DPP6: variants seen among roughly 807,000 people sequenced by gnomAD.
The protein encoded by DPP6 is dipeptidyl peptidase like 6.
A neutral mutation model predicts 122.6 loss-of-function variants in DPP6; 69 were observed. The observed-to-expected ratio is 0.56, with a 90% confidence interval of 0.46 to 0.69. The LOEUF (loss-of-function observed/expected upper bound fraction) is 0.69, where lower values mean the gene tolerates loss of function less well. Ranked by LOEUF, DPP6 falls within the 30% of genes least tolerant of loss-of-function variation. The probability of loss-of-function intolerance (pLI) is 0.00; values close to 1 mark genes in which losing one functional copy is unlikely to be tolerated. For synonymous variants in DPP6, 418 were observed against 433.1 expected (o/e 0.97, Z 0.43); for missense variants, 928 against 1,116.9 (o/e 0.83, Z 2.41).
chr7:153,831,517 A>G, the DPP6 span, among the ~76,000 whole-genome samples: 8 of 152,204 alleles, frequency 5.3e-5, no homozygotes, highest in East Asian at 1.3e-3. Context: ...AAAGGGACAC[A>G]TAGTTGACGA....
At chr7:154,183,042 T>A (rs1456143877) in intron 1 of DPP6, among the ~76,000 whole-genome samples, 3 of 152,184 alleles carry the variant, frequency 2.0e-5, no homozygotes, top group African/African-American at 7.2e-5. Context: ...GGGGCTAATG[T>A]CACCCATTTC....
intron 1 of DPP6, among the ~76,000 whole-genome samples, chr7:154,422,674 A>ATGGGTGGATGGATGGATGGTGAG (rs57931417): frequency 1.0e-3 from 127 of 127,040 alleles, no homozygotes; most frequent in African/African-American, 3.5e-3. Flanking sequence ...GGGTGGGTGG[A>ATGGGTGGATGGATGGATGGTGAG]TGGGTGGATG....
At chr7:154,103,405 G>A (rs1284392228) in intron 1 of DPP6, among the ~76,000 whole-genome samples, 1 of 152,182 alleles carries the variant, frequency 6.6e-6, no homozygotes, top group African/African-American at 2.4e-5. Flanking sequence ...TATAGGAGGG[G>A]AAATTATAAA....
rs959009212 is a variant in DPP6, at chr7:154,282,428, A to G, written c.244-163786A>G. Among the ~76,000 whole-genome samples, 1 of 152,272 alleles carries G rather than the reference A, an allele frequency of 6.6e-6. No homozygotes were observed. Among genetic ancestry groups the G allele is most frequent in the East Asian group, 1.9e-4 (1 of 5,162 alleles). ...CTGGGGTGCTGATTAGCACTGTGCA[A>G]TGTACTGATTGGTACTGTGTAATTT... On this transcript the variant is annotated intron_variant, in intron 1 of 25. Coordinates refer to ENST00000377770, the MANE Select transcript of DPP6 (RefSeq NM_130797.4). This position sits in a 1 kb window ranked among gnomAD's most constrained non-coding sequence, Gnocchi z 4.8.
intron 1 of DPP6, among the ~76,000 whole-genome samples, chr7:154,036,118 T>C (rs142934097): frequency 0.032 from 4,793 of 148,320 alleles, 308 homozygotes; most frequent in African/African-American, 0.11. Context: ...TTTTCTCTAC[T>C]TTTTTTTTTG....
intron 7 of DPP6, among the ~76,000 whole-genome samples, chr7:154,681,780 A>G (rs747574363): frequency 2.6e-5 from 4 of 152,254 alleles, no homozygotes; most frequent in Non-Finnish European, 5.9e-5. Context: ...TTGTAGAATA[A>G]CTGCGACCTT....
rs1405115912 is a variant in DPP6, at chr7:154,821,685, C to T, written c.1666+14573C>T. ...ATATACACATATATATATACACACACATATATATATACACACACACATATA... is the reference window on the plus strand; with the variant it reads ...ATATACACATATATATATACACACATATATATATATACACACACACATATA... On this transcript the variant is annotated intron_variant, in intron 16 of 25. Coordinates refer to ENST00000377770, the MANE Select transcript of DPP6 (RefSeq NM_130797.4). This position sits in a 1 kb window ranked among gnomAD's most constrained non-coding sequence, Gnocchi z 4.2. 2.9e-5 allele frequency among the ~76,000 whole-genome samples: 4 copies of T among 138,860 alleles called. No individual in the cohort carries two copies. Among genetic ancestry groups the T allele is most frequent in the South Asian group, 2.3e-4 (1 of 4,280 alleles). 91.1% of individuals were successfully genotyped at this position (138,860 alleles called of 152,430 possible).
the DPP6 span, among the ~76,000 whole-genome samples, chr7:153,788,567 T>C: frequency 6.6e-6 from 1 of 152,332 alleles, no homozygotes; most frequent in East Asian, 1.9e-4. Flanking sequence ...CAGTTGTCAT[T>C]GACTGTACAT....
chr7:154,712,153 C>T (rs1841228888), intron 7 of DPP6, among the ~76,000 whole-genome samples: 2 of 152,068 alleles, frequency 1.3e-5, no homozygotes, highest in Non-Finnish European at 2.9e-5. Context: ...TTCCTGTATA[C>T]AACATACATG....
At chr7:154,032,688 A>T (rs945148065) in intron 1 of DPP6, among the ~76,000 whole-genome samples, 1 of 152,164 alleles carries the variant, frequency 6.6e-6, no homozygotes, top group Non-Finnish European at 1.5e-5. Context: ...TAAACAGAAG[A>T]TTCTGACAAA....
At chr7:153,759,492 T>A in the DPP6 span, among the ~76,000 whole-genome samples, 5 of 142,654 alleles carry the variant, frequency 3.5e-5, no homozygotes, top group Admixed American at 6.7e-5. Flanking sequence ...CAGCTAATTT[T>A]GTGTGTGTGT....
the DPP6 span, among the ~76,000 whole-genome samples, chr7:153,785,759 C>T: frequency 3.9e-5 from 6 of 152,234 alleles, no homozygotes; most frequent in South Asian, 1.2e-3. Flanking sequence ...CAATTGTAAT[C>T]CTTCCACTTC....
intron 4 of DPP6, among the ~76,000 whole-genome samples, chr7:154,558,471 A>T (rs1374899219): frequency 6.6e-6 from 1 of 152,254 alleles, no homozygotes; most frequent in Admixed American, 6.5e-5. Flanking sequence ...ATTAGCACTC[A>T]AATATAGTCA....
intron 19 of DPP6, among the ~76,000 whole-genome samples, chr7:154,874,451 TTTTG>T (rs1353336682): frequency 1.3e-5 from 2 of 152,176 alleles, no homozygotes; most frequent in African/African-American, 2.4e-5. Flanking sequence ...GGCTGTGTCT[TTTTG>T]TTTGTTTCTC....
At chr7:154,135,800 C>G (rs1274352113) in intron 1 of DPP6, among the ~76,000 whole-genome samples, 2 of 151,900 alleles carry the variant, frequency 1.3e-5, no homozygotes, top group Non-Finnish European at 2.9e-5. Context: ...TATACACTTT[C>G]TGTGAGCCCA....
chr7:154,538,840 G>T (rs1236119102), intron 3 of DPP6, among the ~76,000 whole-genome samples: 1 of 152,136 alleles, frequency 6.6e-6, no homozygotes, highest in Non-Finnish European at 1.5e-5. Context: ...TTAAGAAACA[G>T]AAAAATATGA....
At chr7:154,849,071 A>G (rs1802171760) in intron 16 of DPP6, among the ~76,000 whole-genome samples, 1 of 150,706 alleles carries the variant, frequency 6.6e-6, no homozygotes, top group South Asian at 2.1e-4. Flanking sequence ...CATCTTTGTA[A>G]TACGTTTTGA....
chr7:154,382,592 G>T lies in DPP6; in HGVS notation c.244-63622G>T, dbSNP rs7804299. Among the ~76,000 whole-genome samples the T allele has an allele frequency of 3.7e-3, 559 of 152,178 alleles. 2 individuals carry two copies. The highest frequency in any genetic ancestry group is 5.5e-3 in the Non-Finnish European group (371 of 68,008). On this transcript the variant is annotated intron_variant, in intron 1 of 25. Coordinates refer to ENST00000377770, the MANE Select transcript of DPP6 (RefSeq NM_130797.4). ...AGCTAACAAATGTTTACTCTGTGCTGCGCTCAGCGCTCAGCGCTCTTCATG... is the reference window on the plus strand; with the variant it reads ...AGCTAACAAATGTTTACTCTGTGCTTCGCTCAGCGCTCAGCGCTCTTCATG...
chr7:153,903,383 T>A (rs563754693), intron 1 of DPP6, among the ~76,000 whole-genome samples: 1 of 152,306 alleles, frequency 6.6e-6, no homozygotes, highest in South Asian at 2.1e-4. Context: ...AGATCAGCAC[T>A]TTGCCTGCTG....
Sources: gnomAD v4.1 joint callset for allele counts (sites outside exome capture counted in the v4.1 genomes callset) on GRCh38, gnomAD v4.1.1 for gene constraint, Gnocchi (gnomAD v3.1) non-coding constraint, MANE v1.5 for transcripts, NCBI Gene and HGNC (gene_info 2026-07-23, HGNC 2026-07-21) for gene names.